Variants in ADGRL3 observed in about 807,000 individuals in gnomAD.
ADGRL3 encodes calcium-independent alpha-latrotoxin receptor 3.
In ADGRL3, 62 loss-of-function variants were observed where a neutral mutation model predicts 153.5. That is an observed-to-expected ratio of 0.40 (90% CI 0.33 to 0.50). The LOEUF is 0.50. Among genes scored for constraint, ADGRL3 ranks in the 20% least tolerant of loss-of-function variants. ADGRL3 has a pLI of 0.47. For synonymous variants in ADGRL3, 710 were observed against 672.5 expected, an observed-to-expected ratio of 1.06 and a Z score of -0.86; for missense variants, 1,641 against 1,859.4, an observed-to-expected ratio of 0.88 and a Z score of 2.16.
In ADGRL3 at chr4:61,422,726, C is replaced by T. The variant is rs75985843; in HGVS notation, c.-174+39537C>T. Among the ~76,000 whole-genome samples, 1,265 of 151,892 alleles carry T rather than the reference C, an allele frequency of 8.3e-3. 16 individuals are homozygous for T. The highest frequency in any genetic ancestry group is 0.029 in the African/African-American group (1,190 of 41,434). On this transcript the variant is annotated intron_variant, in intron 2 of 26. Transcript: ENST00000683033. ...TGTTCTATGAATGAATAGTAATCTG[C>T]CCACATAGTTTTCACTTACATAAAA...
At chr4:61,314,615 G>A (rs1382688359) in intron 1 of ADGRL3, among the ~76,000 whole-genome samples, 2 of 152,184 alleles carry the variant, frequency 1.3e-5, no homozygotes, top group African/African-American at 2.4e-5. Flanking sequence ...TCGTTGAAAA[G>A]TTTTACTAAC....
At chr4:61,433,152 G>C (rs1014473731) in intron 2 of ADGRL3, among the ~76,000 whole-genome samples, 1 of 152,050 alleles carries the variant, frequency 6.6e-6, no homozygotes, top group Non-Finnish European at 1.5e-5. Flanking sequence ...TAAAGACTAT[G>C]TCTATTTTCT....
At chr4:61,434,655 G>A (rs2097422155) in intron 2 of ADGRL3, among the ~76,000 whole-genome samples, 2 of 151,892 alleles carry the variant, frequency 1.3e-5, no homozygotes, top group African/African-American at 4.8e-5. Context: ...AATTTCATTT[G>A]CAGTAATTTT....
intron 8 of ADGRL3, among the ~76,000 whole-genome samples, chr4:61,740,701 A>T (rs1014645677): frequency 6.6e-6 from 1 of 152,218 alleles, no homozygotes; most frequent in Admixed American, 6.5e-5. Flanking sequence ...TAAAATTAGT[A>T]TGTCTAACAG....
chr4:61,753,407 A>C (rs899531292), intron 8 of ADGRL3, among the ~76,000 whole-genome samples: 3 of 152,190 alleles, frequency 2.0e-5, no homozygotes, highest in Non-Finnish European at 4.4e-5. Context: ...TGTAGTCTGA[A>C]TGCCTCTGGT....
At chr4:61,560,542 A>G (rs567794932) in intron 4 of ADGRL3, among the ~76,000 whole-genome samples, 17 of 152,250 alleles carry the variant, frequency 1.1e-4, no homozygotes, top group Admixed American at 7.2e-4. Context: ...TGTAGTAACT[A>G]TGGGGGATAC....
intron 1 of ADGRL3, among the ~76,000 whole-genome samples, chr4:61,339,313 G>A (rs935412782): frequency 1.3e-5 from 2 of 152,124 alleles, no homozygotes; most frequent in African/African-American, 2.4e-5. Context: ...TGTAAAACGA[G>A]CACATACAAT....
At chr4:61,249,638 A>G (rs1758476669) in intron 1 of ADGRL3, among the ~76,000 whole-genome samples, 1 of 152,170 alleles carries the variant, frequency 6.6e-6, no homozygotes, top group African/African-American at 2.4e-5. Context: ...CTCATGTATC[A>G]TTAGCTTGAA....
chr4:61,454,550 A>G (rs917692483), intron 2 of ADGRL3, among the ~76,000 whole-genome samples: 2 of 152,156 alleles, frequency 1.3e-5, no homozygotes, highest in Non-Finnish European at 2.9e-5. Flanking sequence ...TGGATAGTTA[A>G]CATGAATAAA....
At chr4:61,502,451 T>TA (rs377174884) in intron 3 of ADGRL3, among the ~76,000 whole-genome samples, 68 of 148,814 alleles carry the variant, frequency 4.6e-4, no homozygotes, top group African/African-American at 1.5e-3. Context: ...AACTGCAACG[T>TA]AAAAAAAATG....
At chr4:61,500,469 T>G (rs2098375403) in intron 3 of ADGRL3, among the ~76,000 whole-genome samples, 1 of 152,154 alleles carries the variant, frequency 6.6e-6, no homozygotes, top group African/African-American at 2.4e-5. Context: ...AGGATAGGAA[T>G]TTTTAGAGTC....
intron 9 of ADGRL3, among the ~76,000 whole-genome samples, chr4:61,814,482 T>C (rs895784219): frequency 6.6e-6 from 1 of 152,150 alleles, no homozygotes; most frequent in Non-Finnish European, 1.5e-5. Context: ...TTAATCCTCC[T>C]GCTTTTAAAT....
intron 5 of ADGRL3, among the ~76,000 whole-genome samples, chr4:61,647,592 T>G (rs1389126616): frequency 6.6e-6 from 1 of 152,144 alleles, no homozygotes; most frequent in African/African-American, 2.4e-5. Context: ...TAGAGGATTA[T>G]GAGAACATCA....
chr4:62,051,215 G>A, intron 25 of ADGRL3, among the ~76,000 whole-genome samples: 1 of 146,454 alleles, frequency 6.8e-6, no homozygotes, highest in African/African-American at 2.5e-5. Flanking sequence ...GGATATATAT[G>A]TACATGTTAT....
At chr4:61,600,049 C>A (rs1262993804) in intron 5 of ADGRL3, among the ~76,000 whole-genome samples, 1 of 152,038 alleles carries the variant, frequency 6.6e-6, no homozygotes, top group African/African-American at 2.4e-5. Context: ...GTGGCTCACG[C>A]CTGTAATGCC....
At chr4:61,471,734 T>C (rs1482768287) in intron 2 of ADGRL3, among the ~76,000 whole-genome samples, 1 of 151,984 alleles carries the variant, frequency 6.6e-6, no homozygotes, top group African/African-American at 2.4e-5. Flanking sequence ...AGTATTTAAC[T>C]GACAAAAAAG....
intron 13 of ADGRL3, among the ~76,000 whole-genome samples, 176 bp from the exon 14 acceptor site, chr4:61,934,664 T>C (rs896704495): frequency 6.6e-6 from 1 of 152,192 alleles, no homozygotes; most frequent in Non-Finnish European, 1.5e-5. Context: ...AGCTAGGGTT[T>C]TACAGAACAA....
chr4:61,295,210 A>G (rs2094367088), intron 1 of ADGRL3, among the ~76,000 whole-genome samples: 1 of 152,080 alleles, frequency 6.6e-6, no homozygotes, highest in Admixed American at 6.6e-5. Context: ...CTGTCAAGGT[A>G]TTGCAGTGCT....
chr4:61,293,575 T>C (rs1333408516), intron 1 of ADGRL3, among the ~76,000 whole-genome samples: 1 of 152,194 alleles, frequency 6.6e-6, no homozygotes, highest in East Asian at 1.9e-4. Flanking sequence ...ATAATATTAG[T>C]AAATGCCTAC....
Sources: allele counts gnomAD v4.1 joint callset (sites outside exome capture counted in the v4.1 genomes callset), GRCh38; gene constraint gnomAD v4.1.1; transcripts MANE v1.5; gene names NCBI Gene and HGNC (gene_info 2026-07-23, HGNC 2026-07-21).